Variants in SLC8A3 observed in about 807,000 individuals in gnomAD.
SLC8A3 encodes solute carrier family 8 member A3.
In SLC8A3, 37 loss-of-function variants were observed where a neutral mutation model predicts 65.4. That is an observed-to-expected ratio of 0.57 (90% CI 0.44 to 0.74). The LOEUF is 0.74. Ranked by LOEUF, SLC8A3 falls within the 30% of genes least tolerant of loss-of-function variation. The pLI is 0.00. For synonymous variants in SLC8A3, 461 were observed against 444.5 expected (o/e 1.04, Z -0.47); for missense variants, 1,112 against 1,172.1 (o/e 0.95, Z 0.75).
In SLC8A3 at chr14:70,185,138, TGTATTTTTA is replaced by T. The variant is rs1422469517; in HGVS notation, c.-63+3232_-63+3240del. On this transcript the variant is annotated intron_variant, in intron 1 of 6. Coordinates refer to ENST00000356921, the MANE Select transcript of SLC8A3 (RefSeq NM_182932.3). The stretch of plus-strand genomic sequence containing the variant: ...CCTGCCACCATGCCCAGCTAATTTT[TGTATTTTTA>T]GTAGAGACGGGATTTCACCATGTTG... 7.2e-5 allele frequency among the ~76,000 whole-genome samples: 11 copies of T among 152,258 alleles called. No homozygotes were observed. In the East Asian group the frequency reaches 2.1e-3, roughly 29 times the overall value.
intron 2 of SLC8A3, among the ~76,000 whole-genome samples, chr14:70,117,446 C>G (rs1359314569): frequency 6.6e-6 from 1 of 152,194 alleles, no homozygotes; most frequent in Admixed American, 6.5e-5. Context: ...AGCCTTAGGG[C>G]TTAGTTTGAG....
At chr14:70,125,630 A>G (rs1894392252) in intron 2 of SLC8A3, among the ~76,000 whole-genome samples, 1 of 152,216 alleles carries the variant, frequency 6.6e-6, no homozygotes. Context: ...ATAGTGTTGC[A>G]ATAAATATTT....
Position 70,168,207 on chromosome 14 carries a change from G to A in SLC8A3, c.216C>T (p.Asp72=), listed in dbSNP as rs912657750. The change falls in exon 2 of 7, where the codon GAC becomes GAT. Residue 72 remains aspartate, a synonymous_variant. Transcript: ENST00000356921. ...IWYPENPSLG[D]KIARVIVYFV... ...AATAGACAATGACCCTGGCAATCTT[G>A]TCCCCAAGGGAAGGGTTCTCCGGGT... The A allele has an allele frequency of 2.5e-6, 4 of 1,614,032 alleles. No individual in the cohort carries two copies. The highest frequency in any genetic ancestry group is 3.4e-6 in the Non-Finnish European group (4 of 1,180,032).
intron 3 of SLC8A3, among the ~76,000 whole-genome samples, chr14:70,056,346 C>A (rs902920588): frequency 6.6e-6 from 1 of 152,172 alleles, no homozygotes; most frequent in Non-Finnish European, 1.5e-5. Context: ...CCATCCCTAA[C>A]GACTTAGCTG....
intron 3 of SLC8A3, among the ~76,000 whole-genome samples, chr14:70,056,207 CTG>C (rs1888098152): frequency 6.6e-6 from 1 of 152,220 alleles, no homozygotes; most frequent in Non-Finnish European, 1.5e-5. Context: ...ATCATGAAAA[CTG>C]TGTAAGTTGC....
intron 2 of SLC8A3, among the ~76,000 whole-genome samples, chr14:70,153,139 G>A (rs906034401): frequency 6.6e-6 from 1 of 152,162 alleles, no homozygotes; most frequent in African/African-American, 2.4e-5. Flanking sequence ...CCTTACACCT[G>A]AGAGCCCAAT....
intron 2 of SLC8A3, among the ~76,000 whole-genome samples, chr14:70,148,493 T>C (rs1896070031): frequency 1.3e-5 from 2 of 152,156 alleles, no homozygotes; most frequent in South Asian, 4.1e-4. Context: ...GTTTTAGCCC[T>C]AACACAAAGG....
chr14:70,143,195 A>G (rs1229845395), intron 2 of SLC8A3, among the ~76,000 whole-genome samples: 1 of 152,146 alleles, frequency 6.6e-6, no homozygotes, highest in Non-Finnish European at 1.5e-5. Context: ...AGATGCGTTA[A>G]GTTTTGAGGG....
chr14:70,138,946 C>A (rs975101126), intron 2 of SLC8A3, among the ~76,000 whole-genome samples: 1 of 152,206 alleles, frequency 6.6e-6, no homozygotes, highest in South Asian at 2.1e-4. Context: ...CAGTGCCAGG[C>A]GCTGTGCTAA....
At chr14:70,070,503 C>T (rs1238566857) in intron 2 of SLC8A3, among the ~76,000 whole-genome samples, 3 of 152,152 alleles carry the variant, frequency 2.0e-5, no homozygotes, top group African/African-American at 7.2e-5. Flanking sequence ...AAAGATTTTG[C>T]ATCTAACTAT....
intron 2 of SLC8A3, among the ~76,000 whole-genome samples, chr14:70,127,746 C>T (rs941184956): frequency 1.3e-5 from 2 of 152,010 alleles, no homozygotes; most frequent in African/African-American, 2.4e-5. Flanking sequence ...GGGGATTTGC[C>T]CACAGTAGTG....
chr14:70,047,696 G>A (rs1468307187), intron 6 of SLC8A3: 4 of 152,262 alleles, frequency 2.6e-5, no homozygotes, highest in Admixed American at 1.3e-4. Context: ...GAAAAGTCCT[G>A]TCTGATGAGA....
chr14:70,129,901 T>C (rs77981053), intron 2 of SLC8A3, among the ~76,000 whole-genome samples: 2 of 152,372 alleles, frequency 1.3e-5, no homozygotes, highest in South Asian at 2.1e-4. Flanking sequence ...ACGCATCTTC[T>C]ACGTACCTGC....
At chr14:70,151,597 C>A (rs923957287) in intron 2 of SLC8A3, among the ~76,000 whole-genome samples, 1 of 152,186 alleles carries the variant, frequency 6.6e-6, no homozygotes, top group East Asian at 1.9e-4. Context: ...CTATGGAATG[C>A]TGGAGTAGGC....
chr14:70,102,190 T>C (rs1348794963), intron 2 of SLC8A3, among the ~76,000 whole-genome samples: 3 of 152,150 alleles, frequency 2.0e-5, no homozygotes, highest in Non-Finnish European at 2.9e-5. Context: ...TGAGAACTCA[T>C]TGACTATCTC....
At chr14:70,069,458 A>G (rs184171494) in intron 2 of SLC8A3, among the ~76,000 whole-genome samples, 50 of 152,240 alleles carry the variant, frequency 3.3e-4, no homozygotes, top group Admixed American at 1.2e-3. Context: ...GCTCCGGGTC[A>G]GCTAACACTC....
At chr14:70,052,642 C>T (rs538987935) in intron 3 of SLC8A3, among the ~76,000 whole-genome samples, 1 of 152,086 alleles carries the variant, frequency 6.6e-6, no homozygotes, top group Non-Finnish European at 1.5e-5. Flanking sequence ...CTGATGAGTC[C>T]ATTTTAAGAG....
At chr14:70,080,172 A>T in intron 2 of SLC8A3, 1 of 985,162 alleles carries the variant, frequency 1.0e-6, no homozygotes, top group Non-Finnish European at 1.2e-6. Flanking sequence ...GTCATTCCCT[A>T]GGTTTTCGGC....
chr14:70,158,554 G>A (rs1467158172), intron 2 of SLC8A3, among the ~76,000 whole-genome samples: 1 of 152,116 alleles, frequency 6.6e-6, no homozygotes, highest in East Asian at 1.9e-4. Flanking sequence ...ACAATAGAGT[G>A]GTTTCTATAC....
Sources: gnomAD v4.1 joint callset for allele counts (sites outside exome capture counted in the v4.1 genomes callset) on GRCh38, gnomAD v4.1.1 for gene constraint, MANE v1.5 for transcripts, NCBI Gene and HGNC (gene_info 2026-07-23, HGNC 2026-07-21) for gene names.